The following PRR14L variants were observed in gnomAD, a reference collection of about 807,000 sequenced individuals.
The protein encoded by PRR14L is proline rich 14 like.
PRR14L carries 80 observed loss-of-function variants against 155.0 expected under a neutral mutation model. That is an observed-to-expected ratio of 0.52 (90% CI 0.43 to 0.62). PRR14L has a LOEUF of 0.62. Among genes scored for constraint, PRR14L ranks in the 20% least tolerant of loss-of-function variants. The pLI is 0.00. For synonymous variants in PRR14L, 883 were observed against 916.0 expected (o/e 0.96, Z 0.65); for missense variants, 2,469 against 2,548.0 (o/e 0.97, Z 0.67).
At chr22:31,703,313 T>C (rs1385500980) in intron 6 of PRR14L, among the ~76,000 whole-genome samples, 2 of 152,200 alleles carry the variant, frequency 1.3e-5, no homozygotes, top group African/African-American at 2.4e-5. Flanking sequence ...CTAAACACTG[T>C]TACATGCTGT....
At position 31,714,259 on chromosome 22, in the gene PRR14L, G is replaced by T; in HGVS notation, c.3580C>A (p.Gln1194Lys). ...AGTCTTGATCCTTCAGTCATTTCTT[G>T]TGTTTCTCTGAGAGATGTTCCTTTA... is the stretch of plus-strand genomic sequence containing the variant. ...QDKGTSLRET[Q>K]EMTEGSRLEP... Residue 1194 changes from glutamine to lysine, a missense_variant, in exon 4 of 9, where the codon CAA becomes AAA. Coordinates refer to ENST00000327423, the MANE Select transcript of PRR14L (RefSeq NM_173566.3). The T allele has an allele frequency of 6.4e-7, 1 of 1,551,284 alleles. No individual in the cohort carries two copies. The highest frequency in any genetic ancestry group is 8.7e-7 in the Non-Finnish European group (1 of 1,146,894).
At chr22:31,699,632 T>C (rs1026862969) in intron 7 of PRR14L, among the ~76,000 whole-genome samples, 2 of 152,224 alleles carry the variant, frequency 1.3e-5, no homozygotes, top group African/African-American at 4.8e-5. Context: ...AATGGATAAA[T>C]GATGACTTTA....
At chr22:31,698,937 T>C (rs912066792) in intron 7 of PRR14L, among the ~76,000 whole-genome samples, 2 of 151,856 alleles carry the variant, frequency 1.3e-5, no homozygotes. Flanking sequence ...AAAAGTCTAA[T>C]ACCAGAGTTT....
rs1485498328 is a variant in PRR14L, at chr22:31,682,094, AGACGGAGC to A, written c.*3425_*3432del. 4 of 152,228 alleles carry A rather than the reference AGACGGAGC, an allele frequency of 2.6e-5. No individual in the cohort carries two copies. 9.4% of individuals were successfully genotyped at this position (152,228 alleles called of 1,614,324 possible). A position where few individuals can be genotyped will look rare whatever the true frequency, so the allele number is the denominator to read the frequency against. On this transcript the variant is annotated 3_prime_UTR_variant, in exon 9 of 9. Transcript: ENST00000327423. ...ATTATGAGACGGAATTCCAGCCTGG[AGACGGAGC>A]GACGGCCGTGCATTCATTGGCTGCA...
At position 31,683,264 on chromosome 22, in the gene PRR14L, A is replaced by G. The variant is rs1361449072; in HGVS notation, c.*2263T>C. ...ATCTCTGCCATGTTGGTGACACTAT[A>G]GCTGTGCCCACTGTTGTCTCTGGGA... On this transcript the variant is annotated 3_prime_UTR_variant, in exon 9 of 9. Transcript: ENST00000327423. 1.3e-5 allele frequency: 2 copies of G among 152,226 alleles called. No homozygotes were observed. The highest frequency in any genetic ancestry group is 3.8e-4 in the East Asian group (2 of 5,198). 9.4% of individuals were successfully genotyped at this position (152,226 alleles called of 1,614,324 possible).
intron 1 of PRR14L, among the ~76,000 whole-genome samples, chr22:31,740,092 G>A (rs1262127997): frequency 2.0e-5 from 3 of 151,920 alleles, no homozygotes; most frequent in Non-Finnish European, 4.4e-5. Context: ...ACAGGATCTT[G>A]CTCTGTCACC....
At chr22:31,706,007 CAAACT>C (rs900706164) in intron 4 of PRR14L, among the ~76,000 whole-genome samples, 1 of 132,270 alleles carries the variant, frequency 7.6e-6, no homozygotes, top group African/African-American at 2.8e-5. Context: ...TCTCAAAAAC[CAAACT>C]AAACAAAACA....
rs772013126 is a variant in PRR14L, at chr22:31,717,010, T to C, written c.829A>G (p.Ser277Gly). 47 of 1,551,700 alleles carry C rather than the reference T, an allele frequency of 3.0e-5. No individual in the cohort carries two copies. Among genetic ancestry groups the C allele is most frequent in the Middle Eastern group, 1.7e-4 (1 of 6,014 alleles). Residue 277 changes from serine (S) to glycine (G), a missense_variant, in exon 4 of 9, where the codon AGT (serine) becomes GGT (glycine). By Grantham distance (56) the Ser-to-Gly change is moderately conservative. This residue lies in a region of PRR14L where 2,363 missense variants were observed against 2,371.6 expected (regional missense o/e 1.00). Coordinates refer to ENST00000327423, the MANE Select transcript of PRR14L (RefSeq NM_173566.3). ...CCTGGTAATGACAACCAAGGACAAC[T>C]TTTTAATTCTTCACATTCTTTTTCT... The part of the protein sequence containing the change: ...PKEKECEELK[S>G]CPWLSLPGNS...
chr22:31,734,566 T>C (rs2074768250), intron 2 of PRR14L, among the ~76,000 whole-genome samples: 1 of 152,148 alleles, frequency 6.6e-6, no homozygotes, highest in Admixed American at 6.6e-5. Context: ...TGAGAGTGAT[T>C]AGGAGCTGTT....
rs1271163081 is a variant in PRR14L, at chr22:31,682,705, C to G, written c.*2822G>C. 6.6e-6 allele frequency: 1 copy of G among 152,198 alleles called. No individual in the cohort carries two copies. Among genetic ancestry groups the G allele is most frequent in the Non-Finnish European group, 1.5e-5 (1 of 68,040 alleles). 9.4% of individuals were successfully genotyped at this position (152,198 alleles called of 1,614,324 possible). A position where few individuals can be genotyped will look rare whatever the true frequency, so the allele number is the denominator to read the frequency against. ...TTCCCATATTAAAAACACTAAACCT[C>G]TGGAAGTGATAGTTGAGTAAGCTGT... On this transcript the variant is annotated 3_prime_UTR_variant, in exon 9 of 9. Transcript: ENST00000327423.
chr22:31,740,124 A>G (rs1712043428), intron 1 of PRR14L, among the ~76,000 whole-genome samples: 1 of 152,088 alleles, frequency 6.6e-6, no homozygotes, highest in African/African-American at 2.4e-5. Context: ...ACCATGGTGC[A>G]ATCGTTCCTC....
intron 2 of PRR14L, among the ~76,000 whole-genome samples, chr22:31,736,637 C>A (rs1376751645): frequency 2.0e-5 from 3 of 152,258 alleles, no homozygotes; most frequent in South Asian, 4.1e-4. Flanking sequence ...GCCCTCAGGC[C>A]AGCAGCCTGT....
At chr22:31,722,886 T>G (rs1243556391) in intron 3 of PRR14L, among the ~76,000 whole-genome samples, 4 of 152,146 alleles carry the variant, frequency 2.6e-5, no homozygotes, top group Non-Finnish European at 4.4e-5. Context: ...ATGCCTGACC[T>G]TGGCAGAGCA....
chr22:31,701,782 AG>A lies in PRR14L; in HGVS notation c.6001-21del. 6.4e-7 allele frequency: 1 copy of A among 1,566,456 alleles called. No individual in the cohort carries two copies. Among genetic ancestry groups the A allele is most frequent in the Non-Finnish European group, 8.8e-7 (1 of 1,139,400 alleles). On this transcript the variant is annotated intron_variant, in intron 6 of 8. Coordinates refer to ENST00000327423, the MANE Select transcript of PRR14L (RefSeq NM_173566.3). ...CTCAGCCTATTTTTAAGGATTAAGAAGAAAGATGGTCAAGCTGTAAGACATT... is the reference window on the plus strand; with the variant it reads ...CTCAGCCTATTTTTAAGGATTAAGAAAAAGATGGTCAAGCTGTAAGACATT...
chr22:31,729,587 C>A (rs2074736807), intron 2 of PRR14L, among the ~76,000 whole-genome samples: 2 of 152,168 alleles, frequency 1.3e-5, no homozygotes, highest in African/African-American at 4.8e-5. Context: ...ACTGGTTTAA[C>A]TTCTCATGAT....
At chr22:31,691,872 C>T (rs1391459205) in intron 7 of PRR14L, among the ~76,000 whole-genome samples, 29 of 144,114 alleles carry the variant, frequency 2.0e-4, no homozygotes, top group African/African-American at 5.6e-4. Flanking sequence ...TTTTCAATTC[C>T]TTTTTTTTTT....
chr22:31,746,126 C>G (rs940090091), intron 1 of PRR14L, among the ~76,000 whole-genome samples: 1 of 152,088 alleles, frequency 6.6e-6, no homozygotes, highest in Non-Finnish European at 1.5e-5. Context: ...GACAAGGTCT[C>G]ACTACATTGC....
intron 4 of PRR14L, among the ~76,000 whole-genome samples, chr22:31,710,770 TGAGATGA>T (rs965171592): frequency 3.9e-5 from 6 of 152,192 alleles, no homozygotes; most frequent in Non-Finnish European, 8.8e-5. Flanking sequence ...TAGGGATTCT[TGAGATGA>T]GTAGTTTAAC....
chr22:31,741,532 A>G (rs2147877590), intron 1 of PRR14L, among the ~76,000 whole-genome samples: 1 of 152,248 alleles, frequency 6.6e-6, no homozygotes, highest in East Asian at 1.9e-4. Context: ...TGTACAGGGG[A>G]AGAGCGAGAA....
Sources: allele counts gnomAD v4.1 joint callset (sites outside exome capture counted in the v4.1 genomes callset), GRCh38; gene constraint gnomAD v4.1.1; regional missense constraint gnomAD v4.1.1; transcripts MANE v1.5; gene names NCBI Gene and HGNC (gene_info 2026-07-23, HGNC 2026-07-21).